ZNF700: variants seen among roughly 807,000 people sequenced by gnomAD.
ZNF700 encodes the protein zinc finger protein 700.
Under a neutral mutation model 65.3 loss-of-function variants are expected in ZNF700, and 38 were observed. The ratio of observed to expected loss-of-function variants is 0.58; its 90% CI spans 0.45 to 0.76. The LOEUF (loss-of-function observed/expected upper bound fraction) is 0.76, where lower values mean the gene tolerates loss of function less well. Among genes scored for constraint, ZNF700 ranks in the 30% least tolerant of loss-of-function variants. ZNF700 has a pLI of 0.00. For missense variants in ZNF700, 857 were observed against 888.4 expected (o/e 0.96, Z 0.45); for synonymous variants, 285 against 290.4 (o/e 0.98, Z 0.19).
At chr19:11,944,491 C>G (rs573058476) in intron 1 of ZNF700, among the ~76,000 whole-genome samples, 1 of 152,250 alleles carries the variant, frequency 6.6e-6, no homozygotes, top group East Asian at 1.9e-4. Flanking sequence ...TCTTCTGTAC[C>G]AAGTCAGCCA....
At chr19:11,934,085 T>G (rs1972754176) in intron 1 of ZNF700, among the ~76,000 whole-genome samples, 1 of 147,940 alleles carries the variant, frequency 6.8e-6, no homozygotes, top group African/African-American at 2.7e-5. Flanking sequence ...GCCTCATCCC[T>G]AAATTCCCAG....
intron 1 of ZNF700, among the ~76,000 whole-genome samples, chr19:11,941,732 A>G (rs911339162): frequency 6.6e-6 from 1 of 152,192 alleles, no homozygotes; most frequent in African/African-American, 2.4e-5. Context: ...TCAGCCCAGA[A>G]AGGGGCTCCC....
chr19:11,948,752 C>G lies in ZNF700; in HGVS notation c.728C>G (p.Thr243Ser). Reference sequence around the variant, plus strand: ...AGTTTATATCTTATCCATGAAAGAACTCACACTGGAGAGAAACCATATGAA... The same window carrying G: ...AGTTTATATCTTATCCATGAAAGAAGTCACACTGGAGAGAAACCATATGAA... Reference protein sequence around the residue: ...SFSLYLIHERTHTGEKPYECK... With the variant: ...SFSLYLIHERSHTGEKPYECK... The change falls in exon 4 of 4, where the codon ACT (threonine) becomes AGT (serine). Residue 243 changes from threonine (T) to serine (S), a missense_variant. By Grantham distance (58) the Thr-to-Ser change is moderately conservative. This residue lies in a region of ZNF700 where 603 missense variants were observed against 619.9 expected (regional missense o/e 0.97). Coordinates refer to ENST00000254321, the MANE Select transcript of ZNF700 (RefSeq NM_144566.3). 2 of 1,611,904 alleles carry G rather than the reference C, an allele frequency of 1.2e-6. No individual in the cohort carries two copies. Among genetic ancestry groups the G allele is most frequent in the Non-Finnish European group, 1.7e-6 (2 of 1,179,586 alleles).
At chr19:11,926,959 C>T (rs1307368506) in intron 1 of ZNF700, among the ~76,000 whole-genome samples, 1 of 152,102 alleles carries the variant, frequency 6.6e-6, no homozygotes, top group Non-Finnish European at 1.5e-5. Flanking sequence ...CTTGTATTAC[C>T]AGGAAAAGAG....
chr19:11,945,931 G>A lies in ZNF700; in HGVS notation c.64-1250G>A, dbSNP rs142984298. 7.2e-3 allele frequency among the ~76,000 whole-genome samples: 1,089 copies of A among 152,212 alleles called. 21 individuals are homozygous for A. The highest frequency in any genetic ancestry group is 0.025 in the African/African-American group (1,038 of 41,544). ...GGGCAAGCAGAAAGCTTGTTTTGCC[G>A]AGACTCGTGTGGCTTCGATTATATC... On this transcript the variant is annotated intron_variant, in intron 1 of 3. Coordinates refer to ENST00000254321, the MANE Select transcript of ZNF700 (RefSeq NM_144566.3).
chr19:11,938,559 T>C (rs1352397359), intron 1 of ZNF700, among the ~76,000 whole-genome samples: 1 of 152,232 alleles, frequency 6.6e-6, no homozygotes, highest in Non-Finnish European at 1.5e-5. Flanking sequence ...ACAAAGGACA[T>C]GAACTCATCC....
chr19:11,933,963 A>G (rs1340182008), intron 1 of ZNF700, among the ~76,000 whole-genome samples: 1 of 147,756 alleles, frequency 6.8e-6, no homozygotes, highest in Non-Finnish European at 1.5e-5. Context: ...CTTGTGAGCC[A>G]TCATGTCCGG....
At chr19:11,928,107 C>T (rs1253386442) in intron 1 of ZNF700, among the ~76,000 whole-genome samples, 1 of 152,068 alleles carries the variant, frequency 6.6e-6, no homozygotes, top group Non-Finnish European at 1.5e-5. Context: ...GCACCTCCGC[C>T]TCTCAAGTAG....
intron 1 of ZNF700, among the ~76,000 whole-genome samples, chr19:11,943,046 C>T (rs1408766115): frequency 6.6e-6 from 1 of 152,162 alleles, no homozygotes; most frequent in Non-Finnish European, 1.5e-5. Flanking sequence ...AAGGTAGTGA[C>T]AAAGCTTCTC....
At chr19:11,940,954 T>C (rs921572104) in intron 1 of ZNF700, among the ~76,000 whole-genome samples, 5 of 152,094 alleles carry the variant, frequency 3.3e-5, no homozygotes, top group African/African-American at 7.2e-5. Flanking sequence ...AGGGTGCTGA[T>C]TGGTGTATTT....
At chr19:11,931,663 CAG>C (rs1171344819) in intron 1 of ZNF700, among the ~76,000 whole-genome samples, 4 of 148,340 alleles carry the variant, frequency 2.7e-5, no homozygotes, top group Non-Finnish European at 5.9e-5. Context: ...AGGCATATTT[CAG>C]AGAGGTTACA....
At chr19:11,931,722 A>G (rs1972716917) in intron 1 of ZNF700, among the ~76,000 whole-genome samples, 1 of 148,666 alleles carries the variant, frequency 6.7e-6, no homozygotes, top group Admixed American at 6.6e-5. Flanking sequence ...GCATTTTTCC[A>G]TTTATTGCAT....
At chr19:11,926,965 A>C (rs1368533313) in intron 1 of ZNF700, among the ~76,000 whole-genome samples, 1 of 152,300 alleles carries the variant, frequency 6.6e-6, no homozygotes, top group East Asian at 1.9e-4. Flanking sequence ...TTACCAGGAA[A>C]AGAGGTCCTG....
intron 1 of ZNF700, among the ~76,000 whole-genome samples, chr19:11,943,032 G>A (rs1030883394): frequency 6.6e-6 from 1 of 152,192 alleles, no homozygotes; most frequent in African/African-American, 2.4e-5. Flanking sequence ...CATTTTGGTG[G>A]ACCAAGGTAG....
intron 1 of ZNF700, among the ~76,000 whole-genome samples, chr19:11,940,359 C>T (rs1415717552): frequency 6.6e-6 from 1 of 152,110 alleles, no homozygotes; most frequent in South Asian, 2.1e-4. Context: ...CTTAAGGTGG[C>T]GTGTCTGGAG....
chr19:11,948,275 G>A lies in ZNF700; in HGVS notation c.252-1G>A. 6.2e-7 allele frequency: 1 copy of A among 1,611,360 alleles called. No individual in the cohort carries two copies. The highest frequency in any genetic ancestry group is 1.1e-5 in the South Asian group (1 of 90,642). ...CATGATGTGTTTCTCATGTTTTACA[G>A]GAGTCTCATAGAAGAGAAAGTCAAT... On this transcript the variant is annotated splice_acceptor_variant, in intron 3 of 3. Transcript: ENST00000254321. LOFTEE classifies it high-confidence loss of function.
intron 1 of ZNF700, among the ~76,000 whole-genome samples, chr19:11,934,177 C>T (rs1972755488): frequency 2.0e-5 from 3 of 147,496 alleles, no homozygotes; most frequent in Non-Finnish European, 3.0e-5. Context: ...GAGACCTCAT[C>T]TATTTTTTTT....
chr19:11,926,165 G>T (rs1272366011), intron 1 of ZNF700, among the ~76,000 whole-genome samples: 1 of 152,136 alleles, frequency 6.6e-6, no homozygotes, highest in Non-Finnish European at 1.5e-5. Flanking sequence ...GAATTCTGAG[G>T]CGTGACTTTA....
chr19:11,935,876 G>A (rs550002493), intron 1 of ZNF700, among the ~76,000 whole-genome samples: 1 of 152,244 alleles, frequency 6.6e-6, no homozygotes, highest in Non-Finnish European at 1.5e-5. Context: ...GCCCCTGACA[G>A]GCCCCGGTGT....
Sources: allele counts gnomAD v4.1 joint callset (sites outside exome capture counted in the v4.1 genomes callset), GRCh38; gene constraint gnomAD v4.1.1; regional missense constraint gnomAD v4.1.1; transcripts MANE v1.5; gene names NCBI Gene and HGNC (gene_info 2026-07-23, HGNC 2026-07-21).